The following THRA variants were observed in gnomAD, a reference collection of about 807,000 sequenced individuals.
The protein encoded by THRA is EAR-7.
In THRA, 13 loss-of-function variants were observed where a neutral mutation model predicts 45.0. The ratio of observed to expected loss-of-function variants is 0.29; its 90% CI spans 0.19 to 0.46. THRA has a LOEUF of 0.46. Among genes scored for constraint, THRA ranks in the 20% least tolerant of loss-of-function variants. THRA has a pLI of 1.00. For missense variants in THRA, 278 were observed against 556.1 expected, an observed-to-expected ratio of 0.50 and a Z score of 5.03; for synonymous variants, 195 against 214.0, an observed-to-expected ratio of 0.91 and a Z score of 0.78.
At position 40,086,687 on chromosome 17, in the gene THRA, A is replaced by AC; in HGVS notation, c.577-15dup. ...TGAAAGGGGTCTGCGGCCCCAGCTG[A>AC]CCCCCGTCTTTCTCTCTAGCCCGAT... On this transcript the variant is annotated intron_variant, in intron 6 of 8. Coordinates refer to ENST00000450525, the MANE Select transcript of THRA (RefSeq NM_199334.5). 2 of 1,607,764 alleles carry AC rather than the reference A, an allele frequency of 1.2e-6. No individual in the cohort carries two copies. The highest frequency in any genetic ancestry group is 1.7e-6 in the Non-Finnish European group (2 of 1,175,248).
In THRA at chr17:40,092,856, T is replaced by TG. The variant is rs1360293738; in HGVS notation, c.*3405dup. Reference sequence around the variant, plus strand: ...AAATCAGAGGGCCAGGGGAGGGTTGTGGGGGAGACAGAGTGGTTTAAATAG... The same window carrying TG: ...AAATCAGAGGGCCAGGGGAGGGTTGTGGGGGGAGACAGAGTGGTTTAAATAG... On this transcript the variant is annotated 3_prime_UTR_variant, in exon 9 of 9. Transcript: ENST00000450525. 1.0e-6 allele frequency: 1 copy of TG among 955,702 alleles called. No individual in the cohort carries two copies. Among genetic ancestry groups the TG allele is most frequent in the Non-Finnish European group, 1.5e-6 (1 of 664,046 alleles). 59.2% of individuals were successfully genotyped at this position (955,702 alleles called of 1,614,324 possible).
In THRA at chr17:40,086,702, T is replaced by C; in HGVS notation, c.577-5T>C. ...GCCCCAGCTGACCCCCGTCTTTCTC[T>C]CTAGCCCGATGACATTGGCCAGTCA... On this transcript the variant is annotated splice_region_variant and splice_polypyrimidine_tract_variant and intron_variant, in intron 6 of 8. Coordinates refer to ENST00000450525, the MANE Select transcript of THRA (RefSeq NM_199334.5). 6.2e-7 allele frequency: 1 copy of C among 1,613,680 alleles called. No homozygotes were observed. The highest frequency in any genetic ancestry group is 8.5e-7 in the Non-Finnish European group (1 of 1,179,736).
Position 40,089,855 on chromosome 17 carries a change from C to T in THRA, c.*399C>T, listed in dbSNP as rs1243415096. 2 of 1,034,082 alleles carry T rather than the reference C, an allele frequency of 1.9e-6. No homozygotes were observed. Among genetic ancestry groups the T allele is most frequent in the East Asian group, 1.9e-4 (2 of 10,666 alleles). 64.1% of individuals were successfully genotyped at this position (1,034,082 alleles called of 1,614,324 possible). A position where few individuals can be genotyped will look rare whatever the true frequency, so the allele number is the denominator to read the frequency against. On this transcript the variant is annotated 3_prime_UTR_variant, in exon 9 of 9. Transcript: ENST00000450525. This position sits in a 1 kb window ranked among gnomAD's most constrained non-coding sequence, Gnocchi z 6.1. ...CTACACACACATGAGAGAGAGCCCCCACCCAGTTCCTTGGCCTAGGTCTCC... is the reference window on the plus strand; with the variant it reads ...CTACACACACATGAGAGAGAGCCCCTACCCAGTTCCTTGGCCTAGGTCTCC...
Position 40,084,596 on chromosome 17 carries a change from C to G in THRA, c.371-14C>G, listed in dbSNP as rs1279789722. The G allele has an allele frequency of 6.2e-7, 1 of 1,613,490 alleles. No homozygotes were observed. On this transcript the variant is annotated splice_polypyrimidine_tract_variant and intron_variant, in intron 5 of 8. Coordinates refer to ENST00000450525, the MANE Select transcript of THRA (RefSeq NM_199334.5). ...GGGTGCCATGCGTTAGACCTTGTGC[C>G]TCTCTGTTCACAGTGGTTCTAGATG...
rs1987480612 is a variant in THRA at position 40,090,163 on chromosome 17, C to T, written c.*707C>T. On this transcript the variant is annotated 3_prime_UTR_variant, in exon 9 of 9. Coordinates refer to ENST00000450525, the MANE Select transcript of THRA (RefSeq NM_199334.5). Reference sequence around the variant, plus strand: ...CACTTTGCGAGCTGCCCCTTCTTCCCCCACATCAGAGAGAAATGCCCCCAC... The same window carrying T: ...CACTTTGCGAGCTGCCCCTTCTTCCTCCACATCAGAGAGAAATGCCCCCAC... 1 of 335,980 alleles carries T rather than the reference C, an allele frequency of 3.0e-6. No homozygotes were observed. The highest frequency in any genetic ancestry group is 4.2e-6 in the Non-Finnish European group (1 of 237,256). 20.8% of individuals were successfully genotyped at this position (335,980 alleles called of 1,614,324 possible).
rs1325736027 is a variant in THRA, at chr17:40,089,017, C to T, written c.983-189C>T. Among the ~76,000 whole-genome samples, 2 of 146,628 alleles carry T rather than the reference C, an allele frequency of 1.4e-5. No homozygotes were observed. The highest frequency in any genetic ancestry group is 3.0e-5 in the Non-Finnish European group (2 of 66,420). On this transcript the variant is annotated intron_variant, in intron 8 of 8. Transcript: ENST00000450525. This position sits in a 1 kb window ranked among gnomAD's most constrained non-coding sequence, Gnocchi z 6.1. Reference sequence around the variant, plus strand: ...GTACCCCCCTGCCCCTCTCCACTTCCCAGCTGCCTCCCTCTCCCTGTGCTT... The same window carrying T: ...GTACCCCCCTGCCCCTCTCCACTTCTCAGCTGCCTCCCTCTCCCTGTGCTT...
intron 4 of THRA, among the ~76,000 whole-genome samples, chr17:40,080,269 T>TGC (rs1476163537): frequency 6.6e-6 from 1 of 151,852 alleles, no homozygotes; most frequent in Non-Finnish European, 1.5e-5. Flanking sequence ...GGCATGGTGG[T>TGC]GCACACACAC....
chr17:40,092,736 A>T lies in THRA; in HGVS notation c.*3280A>T, dbSNP rs1461707163. The T allele has an allele frequency of 7.8e-6, 1 of 127,396 alleles. No homozygotes were observed. The highest frequency in any genetic ancestry group is 1.5e-5 in the Non-Finnish European group (1 of 64,948). The allele number at this position is 127,396 out of a possible 1,614,324, so 7.9% of individuals were successfully genotyped here. On this transcript the variant is annotated 3_prime_UTR_variant, in exon 9 of 9. Transcript: ENST00000450525. ...ACCAGATGGAGAGGTGGCCCCCCCC[A>T]GCCTTGGCAGTATTTCCACCCCACC... is the stretch of plus-strand genomic sequence containing the variant.
At chr17:40,069,620 T>A (rs1170002642) in intron 1 of THRA, among the ~76,000 whole-genome samples, 1 of 152,018 alleles carries the variant, frequency 6.6e-6, no homozygotes, top group Non-Finnish European at 1.5e-5. Context: ...GAATGTGCCG[T>A]GCCCAGCTTG....
intron 6 of THRA, 95 bp downstream of exon 6, chr17:40,084,910 T>A (rs1417451516): frequency 2.1e-6 from 3 of 1,412,448 alleles, no homozygotes; most frequent in Non-Finnish European, 2.9e-6. Context: ...GTCTTCTTAG[T>A]GTAATCCAAC....
intron 6 of THRA, among the ~76,000 whole-genome samples, chr17:40,085,451 C>T (rs868287774): frequency 6.6e-6 from 1 of 150,970 alleles, no homozygotes; most frequent in African/African-American, 2.4e-5. Context: ...CTCCCGCCTC[C>T]GTCTCCCGAG....
At chr17:40,072,883 C>T (rs549491000) in intron 1 of THRA, among the ~76,000 whole-genome samples, 35 of 152,330 alleles carry the variant, frequency 2.3e-4, no homozygotes, top group African/African-American at 7.5e-4. Context: ...CTAAGGCTCC[C>T]TGCTCATGCC....
At chr17:40,062,229 T>C (rs1241761502), upstream of THRA, 1 of 151,742 alleles carries the variant, frequency 6.6e-6, no homozygotes, top group Non-Finnish European at 1.5e-5. Flanking sequence ...TGACAGAGAA[T>C]AGAAAGAGCC....
intron 4 of THRA, 84 bp from the exon 5 acceptor site, chr17:40,083,751 C>A: frequency 6.7e-7 from 1 of 1,498,486 alleles, no homozygotes; most frequent in Non-Finnish European, 9.0e-7. Context: ...GCTCTCCACC[C>A]CTGACCCCTA....
intron 8 of THRA, among the ~76,000 whole-genome samples, 181 bp downstream of exon 8, chr17:40,088,681 C>A (rs1299565509): frequency 6.6e-6 from 1 of 151,962 alleles, no homozygotes; most frequent in Non-Finnish European, 1.5e-5. Flanking sequence ...TTCCCCAGGC[C>A]CATCCCTTGC....
intron 4 of THRA, 71 bp downstream of exon 4, chr17:40,077,679 C>A: frequency 7.8e-7 from 1 of 1,274,794 alleles, no homozygotes; most frequent in Middle Eastern, 2.1e-4. Context: ...CACCTAAAGC[C>A]CGCCTGTTAG....
intron 8 of THRA, among the ~76,000 whole-genome samples, chr17:40,088,922 C>G (rs1009527678): frequency 1.3e-5 from 2 of 150,992 alleles, no homozygotes; most frequent in Middle Eastern, 3.4e-3. Flanking sequence ...CCTCCCCACT[C>G]CAAGGCTCCT....
At chr17:40,065,989 C>A (rs1368928636) in intron 1 of THRA, among the ~76,000 whole-genome samples, 2 of 152,234 alleles carry the variant, frequency 1.3e-5, no homozygotes, top group Admixed American at 6.5e-5. Flanking sequence ...GGGTCCACTG[C>A]AGGGCTCACA....
In THRA at chr17:40,086,808, C is replaced by T. The variant is rs999201796; in HGVS notation, c.678C>T (p.Ile226=). 6.2e-7 allele frequency: 1 copy of T among 1,614,176 alleles called. No homozygotes were observed. The highest frequency in any genetic ancestry group is 8.5e-7 in the Non-Finnish European group (1 of 1,180,030). ...SEFTKIITPA[I]TRVVDFAKKL... ...TTACCAAGATCATCACCCCGGCCATCACCCGTGTGGTGGACTTTGCCAAAA... is the reference window on the plus strand; with the variant it reads ...TTACCAAGATCATCACCCCGGCCATTACCCGTGTGGTGGACTTTGCCAAAA... The change falls in exon 7 of 9, where the codon ATC becomes ATT. Residue 226 remains isoleucine, a synonymous_variant. Coordinates refer to ENST00000450525, the MANE Select transcript of THRA (RefSeq NM_199334.5).
Sources: allele counts gnomAD v4.1 joint callset (sites outside exome capture counted in the v4.1 genomes callset), GRCh38; gene constraint gnomAD v4.1.1; non-coding constraint Gnocchi (gnomAD v3.1); transcripts MANE v1.5; gene names NCBI Gene and HGNC (gene_info 2026-07-23, HGNC 2026-07-21).